SCAI: variants seen among roughly 807,000 people sequenced by gnomAD.
SCAI encodes protein SCAI.
In SCAI, 24 loss-of-function variants were observed where a neutral mutation model predicts 92.2. The observed-to-expected ratio is 0.26, with a 90% CI of 0.19 to 0.37. SCAI has a LOEUF of 0.37. Among genes scored for constraint, SCAI ranks in the 10% least tolerant of loss-of-function variants. SCAI has a pLI of 1.00. For missense variants in SCAI, 450 were observed against 736.2 expected, an observed-to-expected ratio of 0.61 and a Z score of 4.50; for synonymous variants, 261 against 258.6, an observed-to-expected ratio of 1.01 and a Z score of -0.09.
intron 6 of SCAI, among the ~76,000 whole-genome samples, chr9:125,021,238 C>T (rs1390841731): frequency 6.6e-6 from 1 of 152,130 alleles, no homozygotes; most frequent in Non-Finnish European, 1.5e-5. Flanking sequence ...TACAACGAAG[C>T]GTGGAAGACT....
intron 2 of SCAI, chr9:125,066,197 GATAAAAGGTCAACAC>G: frequency 2.0e-6 from 1 of 511,352 alleles, no homozygotes; most frequent in Non-Finnish European, 3.4e-6. Context: ...AAAGTTTCTG[GATAAAAGGTCAACAC>G]ATATAAAGGT....
At chr9:125,005,067 C>A (rs543678764) in intron 9 of SCAI, among the ~76,000 whole-genome samples, 3 of 151,870 alleles carry the variant, frequency 2.0e-5, no homozygotes, top group African/African-American at 7.2e-5. Context: ...GGATCACAGG[C>A]ATGAGCTACC....
At position 125,065,880 on chromosome 9, in the gene SCAI, A is replaced by T. The variant is rs976322993; in HGVS notation, c.99-9873T>A. Reference sequence around the variant, plus strand: ...CAACTCACATTTGGTAAAATTTAACATTGGCTCACAATTAAGAAAAAGAAA... The same window carrying T: ...CAACTCACATTTGGTAAAATTTAACTTTGGCTCACAATTAAGAAAAAGAAA... On this transcript the variant is annotated intron_variant, in intron 2 of 17. Coordinates refer to ENST00000336505, the MANE Select transcript of SCAI (RefSeq NM_001144877.3). The T allele has an allele frequency of 1.3e-5, 8 of 619,772 alleles. No individual in the cohort carries two copies. In the Admixed American group the frequency reaches 2.0e-4, roughly 15 times the overall value. The allele number at this position is 619,772 out of a possible 1,614,324, so 38.4% of individuals were successfully genotyped here. A position where few individuals can be genotyped will look rare whatever the true frequency, so the allele number is the denominator to read the frequency against.
chr9:125,125,208 G>A (rs905707474), intron 2 of SCAI, among the ~76,000 whole-genome samples: 3 of 151,792 alleles, frequency 2.0e-5, no homozygotes, highest in East Asian at 1.9e-4. Context: ...GAGACAGAGC[G>A]AAACTCTGTC....
chr9:125,081,426 A>T (rs1163649270), intron 2 of SCAI, among the ~76,000 whole-genome samples: 1 of 152,242 alleles, frequency 6.6e-6, no homozygotes, highest in African/African-American at 2.4e-5. Flanking sequence ...GTTATGTCTT[A>T]GCAAAGAGAC....
intron 2 of SCAI, among the ~76,000 whole-genome samples, chr9:125,085,453 C>T (rs1035676432): frequency 5.3e-5 from 8 of 152,040 alleles, no homozygotes; most frequent in African/African-American, 1.9e-4. Flanking sequence ...CACCACTGCA[C>T]TCCAGCTCTG....
intron 2 of SCAI, among the ~76,000 whole-genome samples, chr9:125,058,877 A>G (rs1305181117): frequency 6.6e-6 from 1 of 152,344 alleles, no homozygotes; most frequent in Middle Eastern, 3.4e-3. Context: ...AAGACATAGG[A>G]TCAAGCTTGA....
Position 124,950,484 on chromosome 9 carries a change from A to C in SCAI, c.*2323T>G, listed in dbSNP as rs1326438783. 2 of 152,226 alleles carry C rather than the reference A, an allele frequency of 1.3e-5. No homozygotes were observed. Among genetic ancestry groups the C allele is most frequent in the African/African-American group, 4.8e-5 (2 of 41,452 alleles). 9.4% of individuals were successfully genotyped at this position (152,226 alleles called of 1,614,324 possible). A position where few individuals can be genotyped will look rare whatever the true frequency, so the allele number is the denominator to read the frequency against. On this transcript the variant is annotated 3_prime_UTR_variant, in exon 18 of 18. Coordinates refer to ENST00000336505, the MANE Select transcript of SCAI (RefSeq NM_001144877.3). Reference sequence around the variant, plus strand: ...CAGTAAATACTATTTTAAACATTAGAGGACAGGAAACTCTGTGTTGGTAGG... The same window carrying C: ...CAGTAAATACTATTTTAAACATTAGCGGACAGGAAACTCTGTGTTGGTAGG...
intron 3 of SCAI, among the ~76,000 whole-genome samples, chr9:125,030,417 CTGAG>C (rs1389416404): frequency 6.6e-6 from 1 of 152,204 alleles, no homozygotes; most frequent in Non-Finnish European, 1.5e-5. Flanking sequence ...GCCTGGAACA[CTGAG>C]TAAGACACAT....
intron 2 of SCAI, among the ~76,000 whole-genome samples, chr9:125,092,922 T>C (rs994860021): frequency 1.3e-5 from 2 of 152,244 alleles, no homozygotes; most frequent in Admixed American, 1.3e-4. Context: ...ATCATTCCAC[T>C]GAATCACTGC....
intron 2 of SCAI, among the ~76,000 whole-genome samples, chr9:125,083,734 G>C (rs1332253253): frequency 6.6e-6 from 1 of 152,042 alleles, no homozygotes; most frequent in Non-Finnish European, 1.5e-5. Flanking sequence ...CTATGTGCCA[G>C]GTATTTTTCC....
intron 2 of SCAI, among the ~76,000 whole-genome samples, chr9:125,117,831 A>G (rs899986743): frequency 1.3e-5 from 2 of 152,156 alleles, no homozygotes; most frequent in African/African-American, 4.8e-5. Flanking sequence ...CAATGTCACT[A>G]GTCAGTAATA....
chr9:125,090,234 C>A (rs1834403124), intron 2 of SCAI, among the ~76,000 whole-genome samples: 1 of 152,074 alleles, frequency 6.6e-6, no homozygotes, highest in Non-Finnish European at 1.5e-5. Flanking sequence ...AGTTACTCTG[C>A]CTTATGCAAG....
At position 124,961,811 on chromosome 9, in the gene SCAI, C is replaced by T. The variant is rs527415857; in HGVS notation, c.1675-8858G>A. 4.0e-5 allele frequency among the ~76,000 whole-genome samples: 6 copies of T among 151,896 alleles called. No homozygotes were observed. In the South Asian group the frequency reaches 1.2e-3, roughly 32 times the overall value. ...AAAATCCATGTATAACTTTCAACTCCCTGAAAAATCCATGTATAACTTTTA... is the reference window on the plus strand; with the variant it reads ...AAAATCCATGTATAACTTTCAACTCTCTGAAAAATCCATGTATAACTTTTA... On this transcript the variant is annotated intron_variant, in intron 17 of 17. Coordinates refer to ENST00000336505, the MANE Select transcript of SCAI (RefSeq NM_001144877.3).
intron 2 of SCAI, among the ~76,000 whole-genome samples, chr9:125,077,863 C>T (rs1834124923): frequency 6.6e-6 from 1 of 152,024 alleles, no homozygotes. Context: ...GGATTATAGG[C>T]ACCTGCCACC....
chr9:125,061,569 G>A (rs372596767), intron 2 of SCAI, among the ~76,000 whole-genome samples: 26 of 152,260 alleles, frequency 1.7e-4, no homozygotes, highest in African/African-American at 6.3e-4. Flanking sequence ...GATCAGCCTG[G>A]GCAACACAGT....
chr9:124,952,656 G>A lies in SCAI; in HGVS notation c.*151C>T. 1.7e-6 allele frequency: 1 copy of A among 593,790 alleles called. No individual in the cohort carries two copies. Among genetic ancestry groups the A allele is most frequent in the Non-Finnish European group, 2.8e-6 (1 of 354,316 alleles). 36.8% of individuals were successfully genotyped at this position (593,790 alleles called of 1,614,324 possible). ...ATTTTAAAACAGTTACCCTAAAAGT[G>A]TGAACATTTTTTTGTTTGTTTTTAA... On this transcript the variant is annotated 3_prime_UTR_variant, in exon 18 of 18. Transcript: ENST00000336505.
At chr9:124,968,842 G>A (rs1023584390) in intron 17 of SCAI, 13 of 637,784 alleles carry the variant, frequency 2.0e-5, no homozygotes, top group Middle Eastern at 4.1e-4. Flanking sequence ...TCTGCTGGCC[G>A]CAGGGCCCAG....
Position 124,949,043 on chromosome 9 carries a change from A to G in SCAI, c.*3764T>C, listed in dbSNP as rs1207199571. The G allele has an allele frequency of 2.0e-5, 3 of 152,244 alleles. No individual in the cohort carries two copies. Among genetic ancestry groups the G allele is most frequent in the Non-Finnish European group, 4.4e-5 (3 of 68,048 alleles). 9.4% of individuals were successfully genotyped at this position (152,244 alleles called of 1,614,324 possible). A position where few individuals can be genotyped will look rare whatever the true frequency, so the allele number is the denominator to read the frequency against. ...ATTAAAGAAATACAGAAGCTGGGTA[A>G]GGTACAAGGAGGATTTATTAAACTG... On this transcript the variant is annotated 3_prime_UTR_variant, in exon 18 of 18. Transcript: ENST00000336505. This position sits in a 1 kb window ranked among gnomAD's most constrained non-coding sequence, Gnocchi z 4.0.
Sources: allele counts gnomAD v4.1 joint callset (sites outside exome capture counted in the v4.1 genomes callset), GRCh38; gene constraint gnomAD v4.1.1; non-coding constraint Gnocchi (gnomAD v3.1); transcripts MANE v1.5; gene names NCBI Gene and HGNC (gene_info 2026-07-23, HGNC 2026-07-21).